Variants in PPFIBP2 observed in about 807,000 individuals in gnomAD.
PPFIBP2 encodes liprin-beta-2.
In PPFIBP2, 118 loss-of-function variants were observed where a neutral mutation model predicts 118.3. The observed-to-expected ratio is 1.00, with a 90% CI of 0.86 to 1.16. The LOEUF is 1.16. PPFIBP2 is among the 50% of genes most tolerant of loss of function. The probability of loss-of-function intolerance (pLI) is 0.00; values close to 1 mark genes in which losing one functional copy is unlikely to be tolerated. For missense variants in PPFIBP2, 1,195 were observed against 1,073.1 expected (o/e 1.11, Z -1.59); for synonymous variants, 414 against 397.4 (o/e 1.04, Z -0.50).
intron 13 of PPFIBP2, 126 bp from the exon 14 acceptor site, chr11:7,635,426 A>G: frequency 1.2e-6 from 1 of 859,566 alleles, no homozygotes; most frequent in Non-Finnish European, 1.9e-6. Flanking sequence ...ACTTGACATG[A>G]AGATGTGGAG....
At chr11:7,515,553 G>T (rs1192409828) in intron 1 of PPFIBP2, among the ~76,000 whole-genome samples, 5 of 152,210 alleles carry the variant, frequency 3.3e-5, no homozygotes, top group Admixed American at 3.3e-4. Context: ...TCCCTCCTGG[G>T]GTTTTTGAGG....
At chr11:7,605,855 C>A (rs953460862) in intron 5 of PPFIBP2, 3 of 1,444,824 alleles carry the variant, frequency 2.1e-6, no homozygotes, top group South Asian at 3.0e-5. Context: ...TCTGGATACA[C>A]GTGAGATCCA....
intron 2 of PPFIBP2, among the ~76,000 whole-genome samples, chr11:7,558,655 C>G (rs1252026738): frequency 6.6e-6 from 1 of 151,992 alleles, no homozygotes; most frequent in East Asian, 1.9e-4. Flanking sequence ...ACTCGGGAGG[C>G]TGAGGCAGGA....
intron 2 of PPFIBP2, among the ~76,000 whole-genome samples, chr11:7,549,792 G>T (rs1234999187): frequency 6.6e-6 from 1 of 152,134 alleles, no homozygotes; most frequent in East Asian, 1.9e-4. Context: ...TACCGTCTCA[G>T]TTTGGATTCT....
In PPFIBP2 at chr11:7,625,900, C is replaced by A. The variant is rs1437706272; in HGVS notation, c.826+9C>A. ...GAGTCACACAGAGAGAGGTGACTAG[C>A]TTGACTCTGACAAAATGCAGTTGTC... On this transcript the variant is annotated intron_variant, in intron 8 of 23. Coordinates refer to ENST00000299492, the MANE Select transcript of PPFIBP2 (RefSeq NM_003621.5). 3.7e-6 allele frequency: 6 copies of A among 1,610,816 alleles called. No homozygotes were observed. The highest frequency in any genetic ancestry group is 3.3e-5 in the Admixed American group (2 of 59,940).
intron 1 of PPFIBP2, among the ~76,000 whole-genome samples, chr11:7,547,607 G>A (rs1852465767): frequency 1.3e-5 from 2 of 152,130 alleles, no homozygotes; most frequent in African/African-American, 4.8e-5. Flanking sequence ...CAGGCCCCAG[G>A]ATTTCCACAC....
Position 7,653,013 on chromosome 11 carries a change from C to G in PPFIBP2, c.2437-11C>G, listed in dbSNP as rs368877638. On this transcript the variant is annotated splice_polypyrimidine_tract_variant and intron_variant, in intron 23 of 23. Coordinates refer to ENST00000299492, the MANE Select transcript of PPFIBP2 (RefSeq NM_003621.5). ...TTGCCTTCTCATAATCTTGCATTTT[C>G]TGTGTTTTAGCCAAGGAAACTAGGA... is the stretch of plus-strand genomic sequence containing the variant. The G allele has an allele frequency of 6.3e-7, 1 of 1,599,504 alleles. No homozygotes were observed. The highest frequency in any genetic ancestry group is 1.3e-5 in the African/African-American group (1 of 74,432).
chr11:7,537,976 G>C (rs901966192), intron 1 of PPFIBP2, among the ~76,000 whole-genome samples: 29 of 152,334 alleles, frequency 1.9e-4, no homozygotes, highest in Admixed American at 3.9e-4. Context: ...AAAAGGATCA[G>C]CTTGGAGAGA....
chr11:7,575,677 C>T (rs144965341), intron 3 of PPFIBP2, among the ~76,000 whole-genome samples: 170 of 152,268 alleles, frequency 1.1e-3, no homozygotes, highest in Admixed American at 1.0e-3. Context: ...GCCTTGGATG[C>T]GGGGAAAATG....
chr11:7,558,868 T>G (rs1397783522), intron 2 of PPFIBP2, among the ~76,000 whole-genome samples: 3 of 152,180 alleles, frequency 2.0e-5, no homozygotes, highest in Admixed American at 6.5e-5. Flanking sequence ...TTGGTTTTGC[T>G]CCTTAAAATA....
the PPFIBP2 span, chr11:7,665,730 C>A: frequency 8.3e-7 from 1 of 1,205,036 alleles, no homozygotes; most frequent in Non-Finnish European, 1.1e-6. Context: ...CTGCAGCAAT[C>A]ACCCCAGGTC....
At chr11:7,514,876 G>A (rs972267995) in intron 1 of PPFIBP2, among the ~76,000 whole-genome samples, 4 of 152,186 alleles carry the variant, frequency 2.6e-5, no homozygotes, top group African/African-American at 9.7e-5. Flanking sequence ...TTTACTTTTA[G>A]AGCAGCCAGA....
In PPFIBP2 at chr11:7,548,733, G is replaced by A. The variant is rs373725726; in HGVS notation, c.-36-707G>A. ...GGGATACAGCATTAAGGTAGTGGCC[G>A]GACTGTGTATCCTTGGAGGTGTTCA... On this transcript the variant is annotated intron_variant, in intron 1 of 23. Coordinates refer to ENST00000299492, the MANE Select transcript of PPFIBP2 (RefSeq NM_003621.5). Among the ~76,000 whole-genome samples the A allele has an allele frequency of 2.6e-3, 393 of 152,254 alleles. 2 individuals are homozygous for A. The highest frequency in any genetic ancestry group is 3.8e-3 in the Non-Finnish European group (256 of 68,000).
At chr11:7,578,231 G>C (rs1856744312) in intron 3 of PPFIBP2, among the ~76,000 whole-genome samples, 1 of 152,218 alleles carries the variant, frequency 6.6e-6, no homozygotes, top group Non-Finnish European at 1.5e-5. Flanking sequence ...AACGGACGTT[G>C]GGGGCTGGAG....
intron 14 of PPFIBP2, among the ~76,000 whole-genome samples, chr11:7,636,719 G>A (rs559648316): frequency 5.3e-5 from 8 of 152,254 alleles, no homozygotes; most frequent in African/African-American, 1.2e-4. Flanking sequence ...TATAAGTAAC[G>A]TAGAACTATT....
intron 3 of PPFIBP2, among the ~76,000 whole-genome samples, chr11:7,584,625 T>C (rs1382489317): frequency 1.3e-5 from 2 of 152,220 alleles, no homozygotes; most frequent in African/African-American, 4.8e-5. Flanking sequence ...TAGGGGAAGT[T>C]TTCTTTTTTA....
At chr11:7,627,844 T>C (rs971585883) in intron 8 of PPFIBP2, among the ~76,000 whole-genome samples, 3 of 152,250 alleles carry the variant, frequency 2.0e-5, no homozygotes, top group African/African-American at 7.2e-5. Context: ...TTTCCCAGTC[T>C]TCACTCAACT....
rs919465706 is a variant in PPFIBP2, at chr11:7,651,727, C to G, written c.2319C>G (p.Leu773=). ...ACATCCCCCCACAAAAGACGCTCCTCAGGCGCCACCTGACCACCAAGTTCA... is the reference window on the plus strand; with the variant it reads ...ACATCCCCCCACAAAAGACGCTCCTGAGGCGCCACCTGACCACCAAGTTCA... ...LLNIPPQKTL[L]RRHLTTKFNA... is the part of the protein sequence containing the mutation. Residue 773 remains leucine (L), a synonymous_variant, in exon 23 of 24, where the codon CTC becomes CTG. Coordinates refer to ENST00000299492, the MANE Select transcript of PPFIBP2 (RefSeq NM_003621.5). 6.2e-7 allele frequency: 1 copy of G among 1,614,086 alleles called. No individual in the cohort carries two copies. The highest frequency in any genetic ancestry group is 8.5e-7 in the Non-Finnish European group (1 of 1,179,902).
downstream of PPFIBP2, among the ~76,000 whole-genome samples, chr11:7,657,780 T>C (rs1254565027): frequency 2.6e-5 from 4 of 152,172 alleles, no homozygotes; most frequent in Non-Finnish European, 5.9e-5. Context: ...ATGATCCAGT[T>C]ACAGGTAGCT....
Sources: allele counts gnomAD v4.1 joint callset (sites outside exome capture counted in the v4.1 genomes callset), GRCh38; gene constraint gnomAD v4.1.1; transcripts MANE v1.5; gene names NCBI Gene and HGNC (gene_info 2026-07-23, HGNC 2026-07-21).